Variants in OXR1 observed in about 807,000 individuals in gnomAD.
The protein encoded by OXR1 is oxidation resistance protein 1.
A neutral mutation model predicts 104.6 loss-of-function variants in OXR1; 41 were observed. That is an observed-to-expected ratio of 0.39 (90% CI 0.31 to 0.51). The LOEUF (loss-of-function observed/expected upper bound fraction) is 0.51. OXR1 is among the 20% of genes least tolerant of loss of function. The pLI, the probability that OXR1 is intolerant of heterozygous loss-of-function variation, is 0.77. For synonymous variants in OXR1, 348 were observed against 348.4 expected, an observed-to-expected ratio of 1.00 and a Z score of 0.01; for missense variants, 955 against 1,031.9, an observed-to-expected ratio of 0.93 and a Z score of 1.02.
chr8:106,692,281 G>A (rs1463722862), intron 6 of OXR1, among the ~76,000 whole-genome samples: 2 of 151,866 alleles, frequency 1.3e-5, no homozygotes, highest in African/African-American at 4.8e-5. Context: ...GTATGCTTAG[G>A]TACTAAGGTA....
intron 3 of OXR1, among the ~76,000 whole-genome samples, chr8:106,561,285 T>TG (rs968282455): frequency 6.6e-6 from 1 of 151,934 alleles, no homozygotes; most frequent in Non-Finnish European, 1.5e-5. Flanking sequence ...TGGAGCTTGG[T>TG]GGGGGGAGGG....
intron 11 of OXR1, among the ~76,000 whole-genome samples, chr8:106,724,135 T>C (rs1490144860): frequency 6.6e-6 from 1 of 152,144 alleles, no homozygotes; most frequent in Non-Finnish European, 1.5e-5. Flanking sequence ...ATCATACCAT[T>C]CCCAACTCAA....
intron 1 of OXR1, among the ~76,000 whole-genome samples, chr8:106,310,507 C>G (rs938670417): frequency 6.6e-6 from 1 of 152,078 alleles, no homozygotes; most frequent in Non-Finnish European, 1.5e-5. Context: ...GATTTTCTCC[C>G]CTTGGGGTTT....
chr8:106,313,108 AT>A (rs898191478), intron 1 of OXR1, among the ~76,000 whole-genome samples: 7 of 151,258 alleles, frequency 4.6e-5, no homozygotes, highest in Non-Finnish European at 7.4e-5. Context: ...GTCATTTCTT[AT>A]TTTTTTTTAA....
Position 106,335,531 on chromosome 8 carries a change from A to G in OXR1, c.-138-23945A>G, listed in dbSNP as rs1017934054. Among the ~76,000 whole-genome samples, 6 of 152,264 alleles carry G rather than the reference A, an allele frequency of 3.9e-5. No individual in the cohort carries two copies. The South Asian group carries it at 1.0e-3, about 26-fold the overall frequency. On this transcript the variant is annotated intron_variant, in intron 1 of 16. Transcript: ENST00000517566. ...CTCAGACATTTCTCCATGGAAGGAC[A>G]TGGCATCTTGAATCTTTCCTTCTTT...
chr8:106,384,069 G>T (rs891022569), intron 2 of OXR1, among the ~76,000 whole-genome samples: 8 of 152,172 alleles, frequency 5.3e-5, no homozygotes, highest in African/African-American at 1.9e-4. Flanking sequence ...CACATGTAGA[G>T]TAGGGGGCTC....
Position 106,335,715 on chromosome 8 carries a change from A to G in OXR1, c.-138-23761A>G, listed in dbSNP as rs181877411. 1.1e-4 allele frequency among the ~76,000 whole-genome samples: 17 copies of G among 152,312 alleles called. No homozygotes were observed. In the East Asian group the frequency reaches 2.3e-3, roughly 21 times the overall value. ...ATTCTCTGGGTCAATAGTTAAAACTATGCTCAGGGTTTTGTTTTTATTTTT... is the reference window on the plus strand; with the variant it reads ...ATTCTCTGGGTCAATAGTTAAAACTGTGCTCAGGGTTTTGTTTTTATTTTT... On this transcript the variant is annotated intron_variant, in intron 1 of 16. Coordinates refer to ENST00000517566, the MANE Select transcript of OXR1 (RefSeq NM_001198533.2).
At chr8:106,441,460 A>G (rs971351566) in intron 2 of OXR1, among the ~76,000 whole-genome samples, 10 of 152,104 alleles carry the variant, frequency 6.6e-5, no homozygotes, top group Non-Finnish European at 4.4e-5. Flanking sequence ...AAGAACGTCA[A>G]TGGTAGTTTG....
In OXR1 at chr8:106,448,295, G is replaced by A. The variant is rs576927025; in HGVS notation, c.24-70648G>A. On this transcript the variant is annotated intron_variant, in intron 2 of 16. Transcript: ENST00000517566. ...GGAAAACCCTTCTGATATGTTTGCT[G>A]TGCAGTATTCATTGCATACGATCCC... 9.2e-5 allele frequency among the ~76,000 whole-genome samples: 14 copies of A among 152,258 alleles called. No individual in the cohort carries two copies. The South Asian group carries it at 1.5e-3, about 16-fold the overall frequency.
At chr8:106,307,034 C>A (rs978632977) in intron 1 of OXR1, among the ~76,000 whole-genome samples, 2 of 152,008 alleles carry the variant, frequency 1.3e-5, no homozygotes, top group African/African-American at 4.8e-5. Context: ...AAGGGGATAC[C>A]AACTCTACAT....
intron 3 of OXR1, among the ~76,000 whole-genome samples, chr8:106,563,904 A>G (rs895062557): frequency 6.6e-6 from 1 of 152,214 alleles, no homozygotes; most frequent in East Asian, 1.9e-4. Flanking sequence ...TAAATAACAA[A>G]ATTAAGGAAG....
chr8:106,357,319 G>A (rs1436619894), intron 1 of OXR1, among the ~76,000 whole-genome samples: 1 of 151,920 alleles, frequency 6.6e-6, no homozygotes, highest in African/African-American at 2.4e-5. Flanking sequence ...TCAGAATTTG[G>A]AGTTCCTTTG....
chr8:106,409,064 C>A (rs1818359468), intron 2 of OXR1, among the ~76,000 whole-genome samples: 1 of 152,118 alleles, frequency 6.6e-6, no homozygotes, highest in South Asian at 2.1e-4. Context: ...AGAATAGCTG[C>A]CTTCAGCTAT....
chr8:106,315,557 A>G (rs1466449154), intron 1 of OXR1, among the ~76,000 whole-genome samples: 1 of 152,240 alleles, frequency 6.6e-6, no homozygotes, highest in Non-Finnish European at 1.5e-5. Flanking sequence ...TACTCATTTA[A>G]TATTTCAGAA....
intron 2 of OXR1, among the ~76,000 whole-genome samples, chr8:106,491,088 C>T (rs575810320): frequency 1.3e-5 from 2 of 152,276 alleles, no homozygotes; most frequent in South Asian, 2.1e-4. Context: ...TCTGCTTCCT[C>T]GACGCTCCGC....
At chr8:106,730,348 A>G (rs993793084) in intron 11 of OXR1, among the ~76,000 whole-genome samples, 5 of 152,086 alleles carry the variant, frequency 3.3e-5, no homozygotes, top group South Asian at 2.1e-4. Context: ...ATCACATGCT[A>G]TAATTTTTCT....
chr8:106,597,435 A>G (rs1230644382), intron 3 of OXR1, among the ~76,000 whole-genome samples: 1 of 152,208 alleles, frequency 6.6e-6, no homozygotes. Context: ...TTTGTAAGCC[A>G]CAATCATTTT....
chr8:106,658,228 C>A, intron 3 of OXR1: 1 of 1,231,644 alleles, frequency 8.1e-7, no homozygotes. Context: ...CCGACCTGGG[C>A]TGAGGGCTGT....
At chr8:106,525,789 T>C (rs1563580968) in intron 3 of OXR1, among the ~76,000 whole-genome samples, 2 of 152,222 alleles carry the variant, frequency 1.3e-5, no homozygotes, top group Admixed American at 6.5e-5. Flanking sequence ...TTGTCCCTTT[T>C]AATCTTGTTT....
Sources: gnomAD v4.1 joint callset for allele counts (sites outside exome capture counted in the v4.1 genomes callset) on GRCh38, gnomAD v4.1.1 for gene constraint, MANE v1.5 for transcripts, NCBI Gene and HGNC (gene_info 2026-07-23, HGNC 2026-07-21) for gene names.